RIIAD1: variants seen among roughly 807,000 people sequenced by gnomAD.
The protein encoded by RIIAD1 is RIIa domain-containing protein 1.
RIIAD1 carries 15 observed loss-of-function variants against 13.3 expected under a neutral mutation model. That is an observed-to-expected ratio of 1.13 (90% CI 0.76 to 1.74). The LOEUF (loss-of-function observed/expected upper bound fraction) is 1.74, where lower values mean the gene tolerates loss of function less well. RIIAD1 is among the 40% of genes most tolerant of loss of function. The pLI is 0.00. For missense variants in RIIAD1, 121 were observed against 112.2 expected, an observed-to-expected ratio of 1.08 and a Z score of -0.35; for synonymous variants, 50 against 43.3, an observed-to-expected ratio of 1.16 and a Z score of -0.61.
chr1:151,725,168 T>C (rs527323433), intron 2 of RIIAD1, among the ~76,000 whole-genome samples: 1 of 134,150 alleles, frequency 7.5e-6, no homozygotes, highest in South Asian at 2.4e-4. Flanking sequence ...TGGAGTGCAG[T>C]GGCGCAATAT....
intron 2 of RIIAD1, among the ~76,000 whole-genome samples, chr1:151,726,333 C>T (rs1229928097): frequency 6.6e-6 from 1 of 152,160 alleles, no homozygotes; most frequent in Admixed American, 6.5e-5. Flanking sequence ...TTTTACTTAC[C>T]TGTAAATTAT....
intron 2 of RIIAD1, among the ~76,000 whole-genome samples, chr1:151,722,365 A>G (rs772785186): frequency 1.3e-5 from 2 of 152,184 alleles, no homozygotes; most frequent in African/African-American, 2.4e-5. Flanking sequence ...GGTGTAGAAC[A>G]CTATTCTCAA....
rs577991132 is a variant in RIIAD1 at position 151,716,167 on chromosome 1, A to G, written c.21+1638A>G. On this transcript the variant is annotated intron_variant, in intron 4 of 8. Coordinates refer to the RIIAD1 transcript ENST00000326413. ...GGCCCCCAACCACGCTGCTAAGCAG[A>G]GGGGCGGCTCTTCACACAAAGGAGG... is the stretch of plus-strand genomic sequence containing the variant. The G allele has an allele frequency of 6.8e-5, 52 of 764,254 alleles. No homozygotes were observed. The African/African-American group carries it at 8.8e-4, about 13-fold the overall frequency. The allele number at this position is 764,254 out of a possible 1,614,324, so 47.3% of individuals were successfully genotyped here.
upstream of RIIAD1, among the ~76,000 whole-genome samples, chr1:151,719,136 T>A (rs1346144503): frequency 6.6e-6 from 1 of 152,154 alleles, no homozygotes; most frequent in Non-Finnish European, 1.5e-5. Context: ...TAGTTTGTGG[T>A]CCCCAAAGGT....
Position 151,727,575 on chromosome 1 carries a change from A to G in RIIAD1, c.162A>G (p.Arg54=). 1 of 1,547,288 alleles carries G rather than the reference A, an allele frequency of 6.5e-7. No homozygotes were observed. The highest frequency in any genetic ancestry group is 8.7e-7 in the Non-Finnish European group (1 of 1,143,044). Residue 54 remains arginine (R), a splice_region_variant and synonymous_variant, in exon 3 of 5, where the codon AGA becomes AGG. Coordinates refer to ENST00000479191, the MANE Select transcript of RIIAD1 (RefSeq NM_001144956.3). ...CATCCTATCCCTTAATGTTTTCCAG[A>G]GAAATATTTTTGAAAAGACCAGACA... ...EVEWLISGFF[R]EIFLKRPDNI...
intron 4 of RIIAD1, 103 bp downstream of exon 4, chr1:151,728,996 AAG>A: frequency 1.6e-6 from 1 of 612,602 alleles, no homozygotes; most frequent in East Asian, 2.7e-5. Flanking sequence ...GGAGAATTTA[AAG>A]AGAAGTTTAA....
upstream of RIIAD1, among the ~76,000 whole-genome samples, chr1:151,721,263 C>T (rs1056526814): frequency 5.3e-5 from 8 of 152,264 alleles, no homozygotes; most frequent in East Asian, 1.4e-3. Context: ...ACCTTTTTTC[C>T]TGTTTTACTC....
chr1:151,715,807 C>A, intron 4 of RIIAD1: 4 of 1,595,478 alleles, frequency 2.5e-6, no homozygotes, highest in Non-Finnish European at 3.4e-6. Context: ...TCCACCCCTC[C>A]AGCCTGGCTT....
upstream of RIIAD1, chr1:151,721,392 C>T (rs1005043492): frequency 2.4e-5 from 10 of 414,252 alleles, no homozygotes; most frequent in African/African-American, 1.8e-4. Context: ...AGACCCACCC[C>T]CCAAGCCCCC....
upstream of RIIAD1, chr1:151,716,666 T>TC: frequency 1.2e-4 from 7 of 60,432 alleles, no homozygotes; most frequent in South Asian, 3.9e-4. Flanking sequence ...GGTCCTCCCC[T>TC]CAGCCCCCCT....
upstream of RIIAD1, among the ~76,000 whole-genome samples, chr1:151,718,496 A>C (rs1439892861): frequency 1.3e-5 from 2 of 152,206 alleles, no homozygotes; most frequent in African/African-American, 4.8e-5. Flanking sequence ...TTCTGTCTCC[A>C]TTTAAGCCCT....
chr1:151,719,880 TG>T (rs1332311096), upstream of RIIAD1, among the ~76,000 whole-genome samples: 1 of 151,750 alleles, frequency 6.6e-6, no homozygotes, highest in African/African-American at 2.4e-5. Context: ...TACTTGGAGG[TG>T]GGGAGGTAGA....
intron 2 of RIIAD1, among the ~76,000 whole-genome samples, chr1:151,726,122 A>G (rs1673825133): frequency 6.6e-6 from 1 of 152,114 alleles, no homozygotes; most frequent in Non-Finnish European, 1.5e-5. Context: ...TTTGTCCCTC[A>G]ACCCTCATCC....
chr1:151,719,507 A>G, upstream of RIIAD1: 1 of 629,272 alleles, frequency 1.6e-6, no homozygotes, highest in South Asian at 1.8e-5. Flanking sequence ...GATAATTGGG[A>G]TATTTTTCAG....
intron 4 of RIIAD1, chr1:151,715,655 G>C (rs1353309077): frequency 7.3e-6 from 11 of 1,510,600 alleles, no homozygotes; most frequent in African/African-American, 2.8e-5. Flanking sequence ...CAGCCGTCTT[G>C]ACAACTCTTC....
chr1:151,716,025 G>A (rs1302963159), intron 4 of RIIAD1: 3 of 1,609,540 alleles, frequency 1.9e-6, no homozygotes, highest in East Asian at 2.2e-5. Context: ...CTTCATTGAG[G>A]CGGCCCAGGA....
At chr1:151,724,354 TA>T in intron 2 of RIIAD1, among the ~76,000 whole-genome samples, 1 of 152,358 alleles carries the variant, frequency 6.6e-6, no homozygotes, top group African/African-American at 2.4e-5. Context: ...TTTTAGGGTT[TA>T]CTTTTGTTTG....
At chr1:151,719,844 G>C (rs1673704575), upstream of RIIAD1, among the ~76,000 whole-genome samples, 1 of 152,184 alleles carries the variant, frequency 6.6e-6, no homozygotes, top group Non-Finnish European at 1.5e-5. Flanking sequence ...TCACAGATTG[G>C]CAGACGGAGG....
chr1:151,729,260 G>A (rs1647263530), intron 4 of RIIAD1, among the ~76,000 whole-genome samples: 1 of 152,106 alleles, frequency 6.6e-6, no homozygotes, highest in African/African-American at 2.4e-5. Flanking sequence ...AGGGGAGACG[G>A]TTCCATTGCT....
Sources: allele counts gnomAD v4.1 joint callset (sites outside exome capture counted in the v4.1 genomes callset), GRCh38; gene constraint gnomAD v4.1.1; transcripts MANE v1.5; gene names NCBI Gene and HGNC (gene_info 2026-07-23, HGNC 2026-07-21).